PCDH15: variants seen among roughly 807,000 people sequenced by gnomAD.
PCDH15 encodes protocadherin-15.
PCDH15 carries 129 observed loss-of-function variants against 178.5 expected under a neutral mutation model. The ratio of observed to expected loss-of-function variants is 0.72; its 90% CI spans 0.63 to 0.84. PCDH15 has a LOEUF of 0.84. Ranked by LOEUF, PCDH15 falls within the 40% of genes least tolerant of loss-of-function variation. The pLI, the probability that PCDH15 is intolerant of heterozygous loss-of-function variation, is 0.00. For synonymous variants in PCDH15, 800 were observed against 732.0 expected (o/e 1.09, Z -1.50); for missense variants, 2,230 against 2,099.9 (o/e 1.06, Z -1.21).
intron 13 of PCDH15, among the ~76,000 whole-genome samples, chr10:54,171,972 C>T (rs2133635249): frequency 6.6e-6 from 1 of 151,366 alleles, no homozygotes; most frequent in East Asian, 1.9e-4. Context: ...ATTCTCTCTC[C>T]ATACCACCCC....
chr10:54,625,318 C>T (rs575766503), intron 2 of PCDH15, among the ~76,000 whole-genome samples: 1 of 152,264 alleles, frequency 6.6e-6, no homozygotes, highest in East Asian at 1.9e-4. Context: ...AAGGAAAGGA[C>T]TACAAGTTTC....
At chr10:54,246,566 TTA>T (rs1186090175) in intron 8 of PCDH15, among the ~76,000 whole-genome samples, 1 of 151,942 alleles carries the variant, frequency 6.6e-6, no homozygotes, top group African/African-American at 2.4e-5. Flanking sequence ...ACATCATATT[TTA>T]TATGTTAGTT....
At chr10:54,286,520 A>G (rs2059036512) in intron 8 of PCDH15, among the ~76,000 whole-genome samples, 1 of 152,218 alleles carries the variant, frequency 6.6e-6, no homozygotes, top group South Asian at 2.1e-4. Context: ...GCAATGATGT[A>G]ATGAACACAA....
At chr10:54,862,867 A>G (rs546855999) in intron 3 of PCDH15, among the ~76,000 whole-genome samples, 1 of 152,318 alleles carries the variant, frequency 6.6e-6, no homozygotes, top group African/African-American at 2.4e-5. Context: ...TGAACCAAAT[A>G]AACCTCTTTT....
At chr10:54,116,193 T>A (rs1035745788) in intron 15 of PCDH15, among the ~76,000 whole-genome samples, 1 of 137,930 alleles carries the variant, frequency 7.3e-6, no homozygotes, top group Non-Finnish European at 1.5e-5. Context: ...ATGGGTTGAG[T>A]AAGATGAGAA....
At chr10:55,032,067 G>T (rs1408467790) in intron 2 of PCDH15, among the ~76,000 whole-genome samples, 3 of 152,088 alleles carry the variant, frequency 2.0e-5, no homozygotes, top group Non-Finnish European at 4.4e-5. Flanking sequence ...AAAATTACGG[G>T]GGATCTACCA....
intron 2 of PCDH15, among the ~76,000 whole-genome samples, chr10:55,400,575 G>C (rs895356539): frequency 6.6e-6 from 1 of 152,000 alleles, no homozygotes; most frequent in African/African-American, 2.4e-5. Flanking sequence ...TATTCTCCGT[G>C]CTCCCATGGT....
chr10:55,565,049 G>T (rs1250899028), intron 2 of PCDH15, among the ~76,000 whole-genome samples: 1 of 151,642 alleles, frequency 6.6e-6, no homozygotes, highest in Non-Finnish European at 1.5e-5. Context: ...AACAGAATAT[G>T]CATTCTTCTC....
intron 25 of PCDH15, among the ~76,000 whole-genome samples, chr10:53,917,461 A>C (rs2083621001): frequency 6.6e-6 from 1 of 152,232 alleles, no homozygotes; most frequent in African/African-American, 2.4e-5. Context: ...TAAAATAAAT[A>C]AACAAGCTAA....
At chr10:55,565,593 T>C (rs1451698138) in intron 2 of PCDH15, among the ~76,000 whole-genome samples, 1 of 151,572 alleles carries the variant, frequency 6.6e-6, no homozygotes, top group Non-Finnish European at 1.5e-5. Context: ...TTAGTAAACT[T>C]TTAGCTAGAC....
At chr10:55,191,519 G>A (rs748916589) in intron 1 of PCDH15, among the ~76,000 whole-genome samples, 11 of 151,728 alleles carry the variant, frequency 7.2e-5, no homozygotes, top group African/African-American at 2.4e-4. Context: ...AGGTGCACCT[G>A]GTTTGCTATC....
At chr10:54,298,096 A>G (rs1475355990) in intron 8 of PCDH15, among the ~76,000 whole-genome samples, 1 of 152,162 alleles carries the variant, frequency 6.6e-6, no homozygotes, top group African/African-American at 2.4e-5. Context: ...AGAATTAGGA[A>G]AAAGCCCATG....
chr10:54,460,151 C>T (rs1329661310), intron 3 of PCDH15, among the ~76,000 whole-genome samples: 2 of 152,068 alleles, frequency 1.3e-5, no homozygotes, highest in Non-Finnish European at 1.5e-5. Flanking sequence ...AAGCAGTCCA[C>T]TAAGATATTC....
intron 20 of PCDH15, among the ~76,000 whole-genome samples, chr10:54,004,396 TACACAC>T (rs199816870): frequency 1.6e-4 from 12 of 72,900 alleles, no homozygotes; most frequent in African/African-American, 7.2e-4. Context: ...ACCTAAAGAC[TACACAC>T]ACACACACAC....
intron 2 of PCDH15, among the ~76,000 whole-genome samples, chr10:54,964,833 G>A (rs904125204): frequency 6.6e-6 from 1 of 152,086 alleles, no homozygotes; most frequent in Non-Finnish European, 1.5e-5. Flanking sequence ...GGTGGAAAAA[G>A]GTATAACTGC....
intron 2 of PCDH15, among the ~76,000 whole-genome samples, chr10:55,452,704 A>AC (rs1359606705): frequency 2.0e-5 from 3 of 151,992 alleles, no homozygotes; most frequent in South Asian, 4.2e-4. Flanking sequence ...AAACCAACAA[A>AC]CCCCCCAGAA....
At position 54,450,064 on chromosome 10, in the gene PCDH15, C is replaced by T. The variant is rs139105398; in HGVS notation, c.158-71122G>A. Among the ~76,000 whole-genome samples the T allele has an allele frequency of 1.8e-4, 27 of 150,716 alleles. No individual in the cohort carries two copies. The East Asian group carries it at 4.7e-3, about 26-fold the overall frequency. On this transcript the variant is annotated intron_variant, in intron 3 of 37. Transcript: ENST00000644397. The stretch of plus-strand genomic sequence containing the variant: ...TGGTGATAGCTCAAATAGAGAACCT[C>T]TCGGGAAAACCATTTCCACATTTAG...
intron 2 of PCDH15, among the ~76,000 whole-genome samples, chr10:55,350,989 CTCCCCCT>C (rs1489382643): frequency 8.0e-6 from 1 of 125,782 alleles, no homozygotes; most frequent in African/African-American, 3.3e-5. Context: ...CCTCTTCCTC[CTCCCCCT>C]GTCTCCTCCC....
intron 2 of PCDH15, among the ~76,000 whole-genome samples, chr10:54,625,961 T>A (rs887790028): frequency 5.3e-5 from 8 of 152,128 alleles, no homozygotes; most frequent in Admixed American, 2.6e-4. Flanking sequence ...GCTGAGGTGG[T>A]CTCAGTTGGA....
Sources: allele counts gnomAD v4.1 joint callset (sites outside exome capture counted in the v4.1 genomes callset), GRCh38; gene constraint gnomAD v4.1.1; transcripts MANE v1.5; gene names NCBI Gene and HGNC (gene_info 2026-07-23, HGNC 2026-07-21).